The following FGD5 variants were observed in gnomAD, a reference collection of about 807,000 sequenced individuals.
The protein encoded by FGD5 is FYVE, RhoGEF and PH domain-containing protein 5.
Under a neutral mutation model 133.4 loss-of-function variants are expected in FGD5, and 28 were observed. The ratio of observed to expected loss-of-function variants is 0.21; its 90% CI spans 0.16 to 0.29. FGD5 has a LOEUF of 0.29. Ranked by LOEUF, FGD5 falls within the 10% of genes least tolerant of loss-of-function variation. The probability of loss-of-function intolerance (pLI) is 1.00; values close to 1 mark genes in which losing one functional copy is unlikely to be tolerated. For missense variants in FGD5, 1,858 were observed against 1,895.2 expected (o/e 0.98, Z 0.36); for synonymous variants, 810 against 776.5 (o/e 1.04, Z -0.72).
chr3:14,824,310 T>G (rs2125071633), intron 1 of FGD5, among the ~76,000 whole-genome samples: 1 of 152,318 alleles, frequency 6.6e-6, no homozygotes, highest in South Asian at 2.1e-4. Context: ...TGGGGGACCC[T>G]GCTTGTTTGC....
intron 1 of FGD5, among the ~76,000 whole-genome samples, chr3:14,832,892 AC>A (rs150714314): frequency 0.013 from 1,923 of 152,336 alleles, 45 homozygotes; most frequent in African/African-American, 0.043. Flanking sequence ...AGAACGGCAC[AC>A]ACTATTGCAG....
intron 1 of FGD5, among the ~76,000 whole-genome samples, chr3:14,826,410 C>T (rs1257161319): frequency 6.6e-6 from 1 of 152,154 alleles, no homozygotes; most frequent in Non-Finnish European, 1.5e-5. Context: ...GACACCGTGG[C>T]CCGAGGAGAG....
intron 2 of FGD5, among the ~76,000 whole-genome samples, chr3:14,872,886 G>A (rs1341666835): frequency 6.6e-6 from 1 of 152,214 alleles, no homozygotes; most frequent in Non-Finnish European, 1.5e-5. Flanking sequence ...GACGGTGGCT[G>A]AGCTGCAATT....
upstream of FGD5, among the ~76,000 whole-genome samples, chr3:14,816,302 T>G (rs151242190): frequency 1.9e-3 from 286 of 152,298 alleles, no homozygotes; most frequent in Non-Finnish European, 3.1e-3. Flanking sequence ...AATAATTTCG[T>G]GCCAATGCCT....
At chr3:14,898,917 C>T (rs890356329) in intron 7 of FGD5, 91 bp downstream of exon 7, 148 of 1,153,232 alleles carry the variant, frequency 1.3e-4, no homozygotes, top group Non-Finnish European at 1.8e-4. Flanking sequence ...GACCTTGCCT[C>T]TGACCATGTC....
chr3:14,821,257 A>G lies in FGD5; in HGVS notation c.2186A>G (p.Lys729Arg). Residue 729 changes from lysine (K) to arginine (R), a missense_variant, in exon 1 of 20, where the codon AAG (lysine) becomes AGG (arginine). Physicochemically the swap from Lys to Arg is conservative, Grantham distance 26. This residue lies in a region of FGD5 where 1,824 missense variants were observed against 1,848.9 expected (regional missense o/e 0.99). Transcript: ENST00000285046. ...TCCCTCATCTTTTATAGAGATGGCA[A>G]GAGGAAAGGTGTCCCCTTCAGCAGG... ...PSSLIFYRDG[K>R]RKGVPFSRTV... 6.2e-7 allele frequency: 1 copy of G among 1,613,918 alleles called. No individual in the cohort carries two copies. The highest frequency in any genetic ancestry group is 1.3e-5 in the African/African-American group (1 of 75,002).
chr3:14,926,625 C>G (rs887483589), intron 18 of FGD5, among the ~76,000 whole-genome samples: 7 of 152,184 alleles, frequency 4.6e-5, no homozygotes, highest in African/African-American at 1.7e-4. Context: ...TAGGGTAACT[C>G]TAGTAATTCT....
rs1000313842 is a variant in FGD5, at chr3:14,933,297, A to G, written c.*130A>G. The stretch of plus-strand genomic sequence containing the variant: ...GCAATGAGGCCTGACCTTTTTTGCT[A>G]TAACCGCCCCACCACTCCCCTGCCC... On this transcript the variant is annotated 3_prime_UTR_variant, in exon 20 of 20. Coordinates refer to ENST00000285046, the MANE Select transcript of FGD5 (RefSeq NM_152536.4). The G allele has an allele frequency of 3.0e-6, 3 of 1,000,824 alleles. No individual in the cohort carries two copies. The highest frequency in any genetic ancestry group is 2.0e-5 in the Admixed American group (1 of 50,100). 62.0% of individuals were successfully genotyped at this position (1,000,824 alleles called of 1,614,324 possible).
chr3:14,895,186 T>C (rs2038109919), intron 4 of FGD5, among the ~76,000 whole-genome samples: 1 of 152,270 alleles, frequency 6.6e-6, no homozygotes, highest in Non-Finnish European at 1.5e-5. Flanking sequence ...TTTCCTTTGC[T>C]GTGCAGAAAC....
intron 11 of FGD5, among the ~76,000 whole-genome samples, chr3:14,914,378 C>A (rs181365405): frequency 1.5e-3 from 230 of 152,300 alleles, no homozygotes; most frequent in African/African-American, 5.2e-3. Context: ...AGTGGGAAGC[C>A]CCCCTACCCA....
Position 14,901,016 on chromosome 3 carries a change from C to T in FGD5, c.3219C>T (p.Leu1073=), listed in dbSNP as rs546144080. 1.1e-5 allele frequency: 18 copies of T among 1,613,910 alleles called. No individual in the cohort carries two copies. The East Asian group carries it at 1.6e-4, about 14-fold the overall frequency. ...EYDNTQGALS[L]ISKVTDRAND... Reference sequence around the variant, plus strand: ...GTCCCTCCCCAGGTGCACTGAGCCTCATCTCCAAAGTCACAGACCGTGCCA... The same window carrying T: ...GTCCCTCCCCAGGTGCACTGAGCCTTATCTCCAAAGTCACAGACCGTGCCA... Residue 1073 remains leucine (L), a synonymous_variant, in exon 9 of 20, where the codon CTC becomes CTT. Coordinates refer to ENST00000285046, the MANE Select transcript of FGD5 (RefSeq NM_152536.4).
upstream of FGD5, chr3:14,818,892 G>C (rs2036424547): frequency 1.4e-6 from 2 of 1,417,234 alleles, no homozygotes; most frequent in African/African-American, 2.9e-5. Flanking sequence ...TGGTGTGTAG[G>C]AGACTCTGAA....
In FGD5 at chr3:14,922,111, G is replaced by A. The variant is rs558010314; in HGVS notation, c.3669+94G>A. On this transcript the variant is annotated intron_variant, in intron 14 of 19. Transcript: ENST00000285046. The surrounding 1 kb of genome is among the most constrained non-coding windows in gnomAD (Gnocchi z 4.1). ...TGTTGCCACTCACACCCAGATGGAC[G>A]TGTAGCTCCTGTCTTGGGGCACTGG... The A allele has an allele frequency of 2.1e-4, 276 of 1,304,348 alleles. No homozygotes were observed. The African/African-American group carries it at 3.1e-3, about 15-fold the overall frequency. The allele number at this position is 1,304,348 out of a possible 1,614,324, so 80.8% of individuals were successfully genotyped here.
intron 1 of FGD5, among the ~76,000 whole-genome samples, chr3:14,824,131 A>G (rs142237498): frequency 6.6e-6 from 1 of 152,330 alleles, no homozygotes; most frequent in East Asian, 1.9e-4. Flanking sequence ...CCATACAGGA[A>G]CCACATCCTC....
upstream of FGD5, among the ~76,000 whole-genome samples, chr3:14,814,158 A>G (rs2036336000): frequency 6.6e-6 from 1 of 152,170 alleles, no homozygotes; most frequent in Non-Finnish European, 1.5e-5. Flanking sequence ...GGTTCACACC[A>G]TAGCCTTCTC....
intron 7 of FGD5, among the ~76,000 whole-genome samples, chr3:14,899,984 C>T (rs575736166): frequency 3.9e-5 from 6 of 152,264 alleles, no homozygotes; most frequent in South Asian, 4.1e-4. Context: ...CAGAATAGAA[C>T]GAGCAGATGG....
intron 1 of FGD5, among the ~76,000 whole-genome samples, chr3:14,825,484 C>T (rs955766648): frequency 6.6e-6 from 1 of 151,422 alleles, no homozygotes; most frequent in South Asian, 2.1e-4. Context: ...TATATGTACA[C>T]ACGCACACGT....
intron 11 of FGD5, among the ~76,000 whole-genome samples, chr3:14,914,296 A>ACTG (rs1403026635): frequency 6.6e-6 from 1 of 152,208 alleles, no homozygotes; most frequent in Non-Finnish European, 1.5e-5. Context: ...GTGTTGTTAG[A>ACTG]CTGCGGAAAG....
At chr3:14,879,393 A>C (rs995151542) in intron 2 of FGD5, among the ~76,000 whole-genome samples, 8 of 152,362 alleles carry the variant, frequency 5.3e-5, no homozygotes, top group Admixed American at 2.0e-4. Context: ...GGGGCCACCC[A>C]GCAGGAGCCT....
Sources: gnomAD v4.1 joint callset for allele counts (sites outside exome capture counted in the v4.1 genomes callset) on GRCh38, gnomAD v4.1.1 for gene constraint, gnomAD v4.1.1 regional missense constraint, Gnocchi (gnomAD v3.1) non-coding constraint, MANE v1.5 for transcripts, NCBI Gene and HGNC (gene_info 2026-07-23, HGNC 2026-07-21) for gene names.